The following MUC12 variants were observed in gnomAD, a reference collection of about 807,000 sequenced individuals.
The protein encoded by MUC12 is mucin 12, cell surface associated.
Under a neutral mutation model 230.8 loss-of-function variants are expected in MUC12, and 172 were observed. That is an observed-to-expected ratio of 0.75 (90% CI 0.66 to 0.85). The LOEUF (loss-of-function observed/expected upper bound fraction) is 0.85. Ranked by LOEUF, MUC12 falls within the 40% of genes least tolerant of loss-of-function variation. MUC12 has a pLI of 0.00. For missense variants in MUC12, 3,506 were observed against 5,920.6 expected (o/e 0.59, Z 13.38); for synonymous variants, 1,259 against 2,401.9 (o/e 0.52, Z 13.91).
Position 100,995,798 on chromosome 7 carries a change from C to G in MUC12, c.5235C>G (p.His1745Gln). Residue 1745 changes from histidine to glutamine, a missense_variant, in exon 2 of 12, where the codon CAC becomes CAG. Transcript: ENST00000536621. ...LGRSEESTTV[H>Q]SSPVATATTP... ...GTAGTGAGGAATCGACAACAGTCCA[C>G]AGCAGCCCAGTTGCAACTGCAACAA... 1 of 1,506,386 alleles carries G rather than the reference C, an allele frequency of 6.6e-7. No individual in the cohort carries two copies. Among genetic ancestry groups the G allele is most frequent in the South Asian group, 1.2e-5 (1 of 82,990 alleles). The allele number at this position is 1,506,386 out of a possible 1,614,324, so 93.3% of individuals were successfully genotyped here.
At chr7:101,008,898 G>C in intron 4 of MUC12, 137 bp downstream of exon 4, 5 of 1,314,890 alleles carry the variant, frequency 3.8e-6, no homozygotes, top group Non-Finnish European at 5.1e-6. Context: ...GTCTTGAAAG[G>C]AGGTCCTTTG....
rs111235610 is a variant in MUC12 at position 101,005,407 on chromosome 7, T to C, written c.14844T>C (p.Phe4948=). 19 of 1,537,820 alleles carry C rather than the reference T, an allele frequency of 1.2e-5. No individual in the cohort carries two copies. The highest frequency in any genetic ancestry group is 1.1e-4 in the African/African-American group (8 of 73,114). ...CATCCCCTACTTACACAACACTCTTTCCTGCGAGTTCCAGCACATCAGGCC... is the reference window on the plus strand; with the variant it reads ...CATCCCCTACTTACACAACACTCTTCCCTGCGAGTTCCAGCACATCAGGCC... ...ISPSPTYTTL[F]PASSSTSGLT... The change falls in exon 2 of 12, where the codon TTT becomes TTC. Residue 4948 remains phenylalanine (F), a synonymous_variant. Coordinates refer to ENST00000536621, the MANE Select transcript of MUC12 (RefSeq NM_001164462.2).
intron 1 of MUC12, among the ~76,000 whole-genome samples, chr7:100,971,158 A>C (rs1034776497): frequency 9.3e-5 from 2 of 21,450 alleles, no homozygotes; most frequent in African/African-American, 1.8e-4. Flanking sequence ...CTCTCAAAAA[A>C]AAACAAACAA....
chr7:101,006,351 G>A (rs953109696), intron 2 of MUC12, 120 bp from the exon 3 acceptor site: 18 of 680,166 alleles, frequency 2.6e-5, no homozygotes, highest in Admixed American at 1.9e-4. Flanking sequence ...ATTGCTGTGC[G>A]GTCATCTGGC....
At chr7:100,970,964 T>C (rs1421827120) in intron 1 of MUC12, among the ~76,000 whole-genome samples, 7 of 150,978 alleles carry the variant, frequency 4.6e-5, no homozygotes, top group Admixed American at 1.3e-4. Context: ...GCCACTGCAC[T>C]CCAACCTGGG....
chr7:101,005,034 C>T lies in MUC12; in HGVS notation c.14471C>T (p.Thr4824Ile), dbSNP rs773208427. The T allele has an allele frequency of 5.4e-5, 83 of 1,537,624 alleles. No individual in the cohort carries two copies. Among genetic ancestry groups the T allele is most frequent in the Non-Finnish European group, 7.1e-5 (81 of 1,147,042 alleles). The part of the protein sequence containing the change: ...TTSSFAQEFT[T>I]PHSQPGSALS... ...TCATCTTTTGCTCAAGAATTTACCACCCCTCATAGCCAACCAGGCTCAGCT... is the reference window on the plus strand; with the variant it reads ...TCATCTTTTGCTCAAGAATTTACCATCCCTCATAGCCAACCAGGCTCAGCT... The change falls in exon 2 of 12, where the codon ACC becomes ATC. Residue 4824 changes from threonine to isoleucine, a missense_variant. Transcript: ENST00000536621.
In MUC12 at chr7:100,991,459, T is replaced by G; in HGVS notation, c.896T>G (p.Val299Gly). ...PAPSGTTSAF[V>G]KLSTTYHSSP... ...CCTTCTGGTACCACATCAGCCTTTG[T>G]TAAACTATCTACAACTTATCACAGC... The change falls in exon 2 of 12, where the codon GTT becomes GGT. Residue 299 changes from valine (V) to glycine (G), a missense_variant. Transcript: ENST00000536621. 6.5e-7 allele frequency: 1 copy of G among 1,537,714 alleles called. No homozygotes were observed. The highest frequency in any genetic ancestry group is 1.2e-5 in the South Asian group (1 of 84,062).
In MUC12 at chr7:100,995,665, C is replaced by T. The variant is rs752057425; in HGVS notation, c.5102C>T (p.Ala1701Val). ...SWPSSKDTMP[A>V]PPTTTSAFVE... ...CCAAGCTCAAAGGACACTATGCCTG[C>T]ACCTCCTACTACCACATCAGCCTTT... is the stretch of plus-strand genomic sequence containing the variant. Residue 1701 changes from alanine (A) to valine (V), a missense_variant, in exon 2 of 12, where the codon GCA (alanine) becomes GTA (valine). Transcript: ENST00000536621. 1.1e-5 allele frequency: 17 copies of T among 1,537,092 alleles called. 1 individual carries two copies. The highest frequency in any genetic ancestry group is 1.1e-4 in the South Asian group (9 of 84,072).
intron 1 of MUC12, among the ~76,000 whole-genome samples, chr7:100,979,309 C>A (rs1793071598): frequency 6.6e-6 from 1 of 151,984 alleles, no homozygotes; most frequent in South Asian, 2.1e-4. Context: ...GCAATGTAGG[C>A]AAATAGGCAA....
At chr7:101,012,915 C>T in intron 7 of MUC12, 25 bp downstream of exon 7, 1 of 1,537,256 alleles carries the variant, frequency 6.5e-7, no homozygotes, top group Non-Finnish European at 8.7e-7. Context: ...GGAGCGTGGG[C>T]ACTAAGAGTG....
At chr7:100,985,775 G>A (rs1793178199) in intron 1 of MUC12, among the ~76,000 whole-genome samples, 1 of 152,110 alleles carries the variant, frequency 6.6e-6, no homozygotes, top group South Asian at 2.1e-4. Flanking sequence ...AGGTGATTGG[G>A]GAAGGTGACC....
At chr7:100,981,319 A>G in intron 1 of MUC12, 1 of 521,226 alleles carries the variant, frequency 1.9e-6, no homozygotes, top group Non-Finnish European at 3.4e-6. Context: ...CCAGGTTGGG[A>G]GGGGTCTGAA....
rs954737317 is a variant in MUC12, at chr7:100,990,901, C to T, written c.338C>T (p.Pro113Leu). The change falls in exon 2 of 12, where the codon CCC becomes CTC. Residue 113 changes from proline (P) to leucine (L), a missense_variant. Pro to Leu is a moderately conservative substitution (Grantham distance 98). Coordinates refer to ENST00000536621, the MANE Select transcript of MUC12 (RefSeq NM_001164462.2). Reference protein sequence around the residue: ...SVFVGEPKTSPITSASMETTA... With the variant: ...SVFVGEPKTSLITSASMETTA... The stretch of plus-strand genomic sequence containing the variant: ...TTTGTTGGAGAACCTAAAACCTCAC[C>T]CATCACTTCAGCCTCAATGGAAACA... 2.0e-6 allele frequency: 3 copies of T among 1,537,854 alleles called. No individual in the cohort carries two copies. The highest frequency in any genetic ancestry group is 1.2e-5 in the South Asian group (1 of 84,062).
rs952823361 is a variant in MUC12, at chr7:100,991,435, C to G, written c.872C>G (p.Pro291Arg). Residue 291 changes from proline to arginine, a missense_variant, in exon 2 of 12, where the codon CCT becomes CGT. Transcript: ENST00000536621. ...AGCTCAAAGGACACTTCGCCTGCAC[C>G]TTCTGGTACCACATCAGCCTTTGTT... ...WPSSKDTSPAPSGTTSAFVKL... is the reference protein window; with the variant it reads ...WPSSKDTSPARSGTTSAFVKL... The G allele has an allele frequency of 3.3e-6, 5 of 1,537,814 alleles. No homozygotes were observed. Among genetic ancestry groups the G allele is most frequent in the Admixed American group, 2.0e-5 (1 of 50,996 alleles).
At chr7:100,982,403 T>C (rs768563050) in intron 1 of MUC12, among the ~76,000 whole-genome samples, 5 of 152,070 alleles carry the variant, frequency 3.3e-5, no homozygotes, top group Non-Finnish European at 4.4e-5. Flanking sequence ...TAGCCCTTTA[T>C]TGGGGCTAAA....
chr7:101,007,394 C>T (rs1347711100), intron 3 of MUC12, among the ~76,000 whole-genome samples: 1 of 152,204 alleles, frequency 6.6e-6, no homozygotes, highest in African/African-American at 2.4e-5. Context: ...TCCCTCTCAC[C>T]TCCACCCTAC....
Position 101,004,422 on chromosome 7 carries a change from G to C in MUC12, c.13859G>C (p.Ser4620Thr). ...GSTQTMHFPESSTASGRSEES... is the reference protein window; with the variant it reads ...GSTQTMHFPETSTASGRSEES... ...ACTCAAACAATGCACTTCCCTGAAA[G>C]CTCCACAGCTTCAGGTCGTAGTGAA... The change falls in exon 2 of 12, where the codon AGC becomes ACC. Residue 4620 changes from serine to threonine, a missense_variant. Physicochemically the swap from Ser to Thr is moderately conservative, Grantham distance 58. Transcript: ENST00000536621. 1 of 1,512,622 alleles carries C rather than the reference G, an allele frequency of 6.6e-7. No individual in the cohort carries two copies. The highest frequency in any genetic ancestry group is 8.8e-7 in the Non-Finnish European group (1 of 1,138,654). 93.7% of individuals were successfully genotyped at this position (1,512,622 alleles called of 1,614,324 possible).
rs1793732676 is a variant in MUC12, at chr7:101,005,494, T to C, written c.14931T>C (p.Thr4977=). ...GCTTCACTTCTACAATTGTGTCTAC[T>C]GAAAGCCTGGAAACCTTAGCACCAG... ...SPSFTSTIVS[T]ESLETLAPGL... is the part of the protein sequence containing the mutation. The change falls in exon 2 of 12, where the codon ACT becomes ACC. Residue 4977 remains threonine, a synonymous_variant. Coordinates refer to ENST00000536621, the MANE Select transcript of MUC12 (RefSeq NM_001164462.2). 2.6e-6 allele frequency: 4 copies of C among 1,537,244 alleles called. No individual in the cohort carries two copies. Among genetic ancestry groups the C allele is most frequent in the African/African-American group, 1.4e-5 (1 of 73,064 alleles).
At chr7:100,978,509 G>A (rs1793063381) in intron 1 of MUC12, among the ~76,000 whole-genome samples, 2 of 152,198 alleles carry the variant, frequency 1.3e-5, no homozygotes, top group South Asian at 4.1e-4. Context: ...GAGGTTCGCT[G>A]GATTGCACAA....
Sources: gnomAD v4.1 joint callset for allele counts (sites outside exome capture counted in the v4.1 genomes callset) on GRCh38, gnomAD v4.1.1 for gene constraint, MANE v1.5 for transcripts, NCBI Gene and HGNC (gene_info 2026-07-23, HGNC 2026-07-21) for gene names.